ADGRL3: variants seen among roughly 807,000 people sequenced by gnomAD.
ADGRL3 encodes the protein adhesion G protein-coupled receptor L3.
ADGRL3 carries 62 observed loss-of-function variants against 153.5 expected under a neutral mutation model. The ratio of observed to expected loss-of-function variants is 0.40; its 90% CI spans 0.33 to 0.50. ADGRL3 has a LOEUF of 0.50. Ranked by LOEUF, ADGRL3 falls within the 20% of genes least tolerant of loss-of-function variation. The pLI, the probability that ADGRL3 is intolerant of heterozygous loss-of-function variation, is 0.47. For missense variants in ADGRL3, 1,641 were observed against 1,859.4 expected, an observed-to-expected ratio of 0.88 and a Z score of 2.16; for synonymous variants, 710 against 672.5, an observed-to-expected ratio of 1.06 and a Z score of -0.86.
At chr4:61,554,154 T>A (rs971204306) in intron 4 of ADGRL3, among the ~76,000 whole-genome samples, 4 of 134,334 alleles carry the variant, frequency 3.0e-5, no homozygotes, top group Non-Finnish European at 6.4e-5. Context: ...ATAAAAAATG[T>A]CTCTCCTAAC....
chr4:61,933,348 TAGAGAACTTCC>T (rs1327441562), intron 13 of ADGRL3, among the ~76,000 whole-genome samples: 4 of 152,150 alleles, frequency 2.6e-5, no homozygotes, highest in Non-Finnish European at 5.9e-5. Context: ...ATTGCCCTTA[TAGAGAACTTCC>T]AGGAAAGCGG....
intron 2 of ADGRL3, among the ~76,000 whole-genome samples, chr4:61,457,434 A>G (rs2097766733): frequency 6.6e-6 from 1 of 151,980 alleles, no homozygotes. Flanking sequence ...TTATTAGCTT[A>G]TTCTTTCCTG....
intron 1 of ADGRL3, among the ~76,000 whole-genome samples, chr4:61,216,393 C>T (rs773956717): frequency 1.5e-4 from 23 of 151,736 alleles, no homozygotes; most frequent in Non-Finnish European, 2.9e-4. Flanking sequence ...ATATTAAATA[C>T]TTTTGAGATT....
At chr4:61,895,238 C>T (rs1003066046) in intron 10 of ADGRL3, among the ~76,000 whole-genome samples, 14 of 152,216 alleles carry the variant, frequency 9.2e-5, no homozygotes, top group Middle Eastern at 3.4e-3. Context: ...GAGGCCAAGG[C>T]GGGCAGATCA....
At chr4:61,635,394 A>T (rs1219028191) in intron 5 of ADGRL3, among the ~76,000 whole-genome samples, 2 of 152,160 alleles carry the variant, frequency 1.3e-5, no homozygotes, top group Non-Finnish European at 2.9e-5. Context: ...CAGTGCATTG[A>T]TGGTAGAGAT....
At chr4:61,890,094 A>G (rs2149574171) in intron 9 of ADGRL3, among the ~76,000 whole-genome samples, 1 of 152,346 alleles carries the variant, frequency 6.6e-6, no homozygotes, top group African/African-American at 2.4e-5. Flanking sequence ...AACTAATAAT[A>G]GGTAACTGCT....
intron 17 of ADGRL3, 139 bp downstream of exon 17, chr4:61,948,415 T>C (rs1235940155): frequency 4.9e-5 from 28 of 566,180 alleles, no homozygotes; most frequent in Non-Finnish European, 5.9e-6. Flanking sequence ...TCTCTGATGT[T>C]CAAACCATAT....
At chr4:61,495,101 G>A (rs945812080) in intron 2 of ADGRL3, among the ~76,000 whole-genome samples, 1 of 152,084 alleles carries the variant, frequency 6.6e-6, no homozygotes, top group African/African-American at 2.4e-5. Flanking sequence ...ATAGTTAAAT[G>A]ACCATCGACA....
chr4:61,520,614 G>T (rs1380721549), intron 4 of ADGRL3, among the ~76,000 whole-genome samples: 2 of 145,106 alleles, frequency 1.4e-5, no homozygotes, highest in African/African-American at 2.5e-5. Flanking sequence ...TCCTACTTGG[G>T]TTTTAATATT....
chr4:61,751,350 T>G (rs1390715820), intron 8 of ADGRL3, among the ~76,000 whole-genome samples: 1 of 152,030 alleles, frequency 6.6e-6, no homozygotes, highest in Non-Finnish European at 1.5e-5. Flanking sequence ...CCATAATAAG[T>G]TATTATTATT....
intron 5 of ADGRL3, among the ~76,000 whole-genome samples, chr4:61,676,082 A>G (rs886207485): frequency 3.3e-5 from 5 of 151,868 alleles, no homozygotes; most frequent in Admixed American, 2.0e-4. Flanking sequence ...ACTGAACATG[A>G]TAACCTCCAG....
At chr4:61,244,536 AAC>A (rs372267923) in intron 1 of ADGRL3, among the ~76,000 whole-genome samples, 20 of 152,114 alleles carry the variant, frequency 1.3e-4, no homozygotes, top group African/African-American at 4.8e-4. Context: ...GATAAAATTA[AAC>A]TAGCATTTAA....
intron 5 of ADGRL3, among the ~76,000 whole-genome samples, chr4:61,670,072 G>T (rs2094939023): frequency 6.6e-6 from 1 of 152,116 alleles, no homozygotes; most frequent in Admixed American, 6.5e-5. Flanking sequence ...GAGGCAGGTG[G>T]ATCATGAGGT....
intron 1 of ADGRL3, among the ~76,000 whole-genome samples, chr4:61,289,438 A>G (rs2150123775): frequency 6.6e-6 from 1 of 152,168 alleles, no homozygotes; most frequent in South Asian, 2.1e-4. Flanking sequence ...CACTTCCAAC[A>G]TTAGAAGACT....
At chr4:61,757,997 A>C (rs1175411054) in intron 8 of ADGRL3, among the ~76,000 whole-genome samples, 6 of 152,120 alleles carry the variant, frequency 3.9e-5, no homozygotes, top group African/African-American at 1.4e-4. Context: ...AGTTAGTTAT[A>C]ATTTCTGTTC....
intron 3 of ADGRL3, among the ~76,000 whole-genome samples, chr4:61,506,205 A>G (rs116370154): frequency 0.03 from 4,518 of 152,216 alleles, 132 homozygotes; most frequent in East Asian, 0.076. Context: ...ATTAAATAAA[A>G]TAATGTATAA....
intron 2 of ADGRL3, among the ~76,000 whole-genome samples, chr4:61,439,074 A>G (rs2097494779): frequency 6.6e-6 from 1 of 152,122 alleles, no homozygotes; most frequent in African/African-American, 2.4e-5. Flanking sequence ...AAAGATACTG[A>G]GCTAAGTATA....
chr4:61,934,718 G>A lies in ADGRL3; in HGVS notation c.2113-122G>A, dbSNP rs987737792. The A allele has an allele frequency of 6.1e-6, 4 of 659,362 alleles. No homozygotes were observed. In the Admixed American group the frequency reaches 7.5e-5, roughly 12 times the overall value. The allele number at this position is 659,362 out of a possible 1,614,324, so 40.8% of individuals were successfully genotyped here. On this transcript the variant is annotated intron_variant, in intron 13 of 26. Coordinates refer to ENST00000683033, the MANE Select transcript of ADGRL3 (RefSeq NM_001387552.1). Reference sequence around the variant, plus strand: ...TGCAGCATGTCACAGGGGAGGCTGGGACAATACTGAACTCATGCACACACT... The same window carrying A: ...TGCAGCATGTCACAGGGGAGGCTGGAACAATACTGAACTCATGCACACACT...
intron 1 of ADGRL3, among the ~76,000 whole-genome samples, chr4:61,301,284 A>G (rs987078127): frequency 5.9e-5 from 9 of 152,184 alleles, no homozygotes; most frequent in African/African-American, 2.2e-4. Flanking sequence ...TTCCATTTTT[A>G]TCGGCTAAAT....
Sources: gnomAD v4.1 joint callset for allele counts (sites outside exome capture counted in the v4.1 genomes callset) on GRCh38, gnomAD v4.1.1 for gene constraint, MANE v1.5 for transcripts, NCBI Gene and HGNC (gene_info 2026-07-23, HGNC 2026-07-21) for gene names.